The following FDFT1 variants were observed in gnomAD, a reference collection of about 807,000 sequenced individuals.
FDFT1 encodes the protein farnesyl-diphosphate farnesyltransferase 1, also known as squalene synthase.
FDFT1 carries 68 observed loss-of-function variants against 46.8 expected under a neutral mutation model. The observed-to-expected ratio is 1.45, with a 90% CI of 1.19 to 1.78. The LOEUF (loss-of-function observed/expected upper bound fraction) is 1.78. FDFT1 is among the 40% of genes most tolerant of loss of function. The pLI, the probability that FDFT1 is intolerant of heterozygous loss-of-function variation, is 0.00. For missense variants in FDFT1, 928 were observed against 524.4 expected, an observed-to-expected ratio of 1.77 and a Z score of -7.52; for synonymous variants, 351 against 185.1, an observed-to-expected ratio of 1.90 and a Z score of -7.28.
rs187108565 is a variant in FDFT1 at position 11,829,193 on chromosome 8, A to G, written c.703-1051A>G. 1.8e-4 allele frequency among the ~76,000 whole-genome samples: 28 copies of G among 152,310 alleles called. No individual in the cohort carries two copies. In the East Asian group the frequency reaches 4.4e-3, roughly 24 times the overall value. ...TGTATGTATATATACTTAACATTTTATTTATAATAAATGTACATAATAGAG... is the reference window on the plus strand; with the variant it reads ...TGTATGTATATATACTTAACATTTTGTTTATAATAAATGTACATAATAGAG... On this transcript the variant is annotated intron_variant, in intron 5 of 7. Transcript: ENST00000220584.
chr8:11,821,186 T>G (rs1809187322), intron 3 of FDFT1, among the ~76,000 whole-genome samples: 1 of 152,264 alleles, frequency 6.6e-6, no homozygotes. Context: ...AAGCATCTCA[T>G]TATACATTGG....
rs377676847 is a variant in FDFT1, at chr8:11,803,175, C to T, written c.99+244C>T. 6 of 1,416,932 alleles carry T rather than the reference C, an allele frequency of 4.2e-6. No individual in the cohort carries two copies. The African/African-American group carries it at 4.3e-5, about 10-fold the overall frequency. 87.8% of individuals were successfully genotyped at this position (1,416,932 alleles called of 1,614,324 possible). ...GCATGAGCGACTTTTGCGTGGTTCC[C>T]GGTGGTTGCGCTCCCCGTTTCGTCC... On this transcript the variant is annotated intron_variant, in intron 1 of 7. Transcript: ENST00000220584.
At chr8:11,810,657 C>T (rs980522015) in intron 3 of FDFT1, among the ~76,000 whole-genome samples, 11 of 152,100 alleles carry the variant, frequency 7.2e-5, no homozygotes, top group African/African-American at 2.7e-4. Context: ...GGACATCTGC[C>T]TAGGTCCTAC....
chr8:11,798,920 A>G (rs187088951), upstream of FDFT1, among the ~76,000 whole-genome samples: 3 of 152,374 alleles, frequency 2.0e-5, no homozygotes, highest in Non-Finnish European at 4.4e-5. Context: ...AAAGGGTTAC[A>G]GCATGCTTCC....
Position 11,838,333 on chromosome 8 carries a change from C to T in FDFT1, c.1033-55C>T, listed in dbSNP as rs571369651. 1.4e-5 allele frequency: 19 copies of T among 1,362,816 alleles called. No individual in the cohort carries two copies. In the East Asian group the frequency reaches 3.9e-4, roughly 28 times the overall value. The allele number at this position is 1,362,816 out of a possible 1,614,324, so 84.4% of individuals were successfully genotyped here. A position where few individuals can be genotyped will look rare whatever the true frequency, so the allele number is the denominator to read the frequency against. On this transcript the variant is annotated intron_variant, in intron 7 of 7. Transcript: ENST00000220584. Reference sequence around the variant, plus strand: ...GCCAGTGGAGGGTTGTTGTAAGTAGCCATGGAAAATGTAAAGCACATAGCA... The same window carrying T: ...GCCAGTGGAGGGTTGTTGTAAGTAGTCATGGAAAATGTAAAGCACATAGCA...
intron 5 of FDFT1, among the ~76,000 whole-genome samples, chr8:11,828,995 G>A (rs1337909840): frequency 6.6e-6 from 1 of 152,094 alleles, no homozygotes; most frequent in African/African-American, 2.4e-5. Flanking sequence ...GTAGATGTGT[G>A]TTTTCCTTTT....
At chr8:11,820,375 C>G (rs1375252478) in intron 3 of FDFT1, among the ~76,000 whole-genome samples, 1 of 152,226 alleles carries the variant, frequency 6.6e-6, no homozygotes, top group Non-Finnish European at 1.5e-5. Flanking sequence ...CCACTGCTCT[C>G]TTCAGAGCTG....
intron 7 of FDFT1, among the ~76,000 whole-genome samples, chr8:11,836,403 C>T (rs1239139888): frequency 1.3e-5 from 2 of 152,222 alleles, no homozygotes; most frequent in African/African-American, 2.4e-5. Flanking sequence ...GCTTCCTGCC[C>T]TTGGGCTTCT....
rs1335486905 is a variant in FDFT1 at position 11,802,896 on chromosome 8, G to T, written c.64G>T (p.Gly22Trp). The T allele has an allele frequency of 6.2e-7, 1 of 1,611,430 alleles. No homozygotes were observed. The change falls in exon 1 of 8, where the codon GGG becomes TGG. Residue 22 changes from glycine (G) to tryptophan (W), a missense_variant. Coordinates refer to ENST00000220584, the MANE Select transcript of FDFT1 (RefSeq NM_004462.5). ...EFYNLVRFRI[G>W]GKRKVMPKMD... ...CTACAACCTGGTGCGCTTCCGGATC[G>T]GGGGCAAGCGGAAGGTGATGCCCAA... is the stretch of plus-strand genomic sequence containing the variant.
intron 3 of FDFT1, among the ~76,000 whole-genome samples, chr8:11,820,573 T>C (rs1459454490): frequency 5.3e-5 from 8 of 152,182 alleles, no homozygotes; most frequent in Non-Finnish European, 1.0e-4. Flanking sequence ...GCCTCAGCAA[T>C]GGCGGGGAGG....
intron 7 of FDFT1, among the ~76,000 whole-genome samples, chr8:11,832,569 A>AAAAAAAAG (rs1810960442): frequency 6.7e-6 from 1 of 149,298 alleles, no homozygotes; most frequent in Non-Finnish European, 1.5e-5. Context: ...AAAAAAAAAA[A>AAAAAAAAG]AAAAAAAGTC....
chr8:11,820,756 C>T (rs535565359), intron 3 of FDFT1, among the ~76,000 whole-genome samples: 1 of 152,198 alleles, frequency 6.6e-6, no homozygotes, highest in African/African-American at 2.4e-5. Context: ...TATACTGTTC[C>T]TCCAGGTACA....
intron 4 of FDFT1, among the ~76,000 whole-genome samples, chr8:11,825,782 G>A (rs560375612): frequency 1.3e-5 from 2 of 152,032 alleles, no homozygotes; most frequent in Non-Finnish European, 2.9e-5. Context: ...GTAGAAATTT[G>A]GAAAATACAA....
At chr8:11,831,977 C>G (rs953471241) in intron 7 of FDFT1, among the ~76,000 whole-genome samples, 1 of 152,124 alleles carries the variant, frequency 6.6e-6, no homozygotes, top group Non-Finnish European at 1.5e-5. Context: ...CTTCTTGTTG[C>G]TGGTGAGGAA....
chr8:11,820,461 A>G (rs935471795), intron 3 of FDFT1, among the ~76,000 whole-genome samples: 1 of 146,668 alleles, frequency 6.8e-6, no homozygotes, highest in African/African-American at 2.5e-5. Flanking sequence ...CAGAGATGCA[A>G]TCTAGAGAGG....
chr8:11,836,320 G>C (rs1195433756), intron 7 of FDFT1, among the ~76,000 whole-genome samples: 1 of 152,150 alleles, frequency 6.6e-6, no homozygotes, highest in East Asian at 1.9e-4. Context: ...CACTCATCTT[G>C]GCCTTCGGCC....
chr8:11,827,292 T>C (rs115634158), intron 5 of FDFT1, among the ~76,000 whole-genome samples: 6 of 151,700 alleles, frequency 4.0e-5, no homozygotes, highest in African/African-American at 1.5e-4. Flanking sequence ...TATAAAAAAT[T>C]GTTAGAAAAT....
chr8:11,814,181 T>C (rs1808122343), intron 3 of FDFT1, among the ~76,000 whole-genome samples: 1 of 152,202 alleles, frequency 6.6e-6, no homozygotes, highest in Admixed American at 6.5e-5. Context: ...TAACCTCTTG[T>C]AGAATCACTG....
chr8:11,820,237 A>C (rs1185492670), intron 3 of FDFT1, among the ~76,000 whole-genome samples: 1 of 151,864 alleles, frequency 6.6e-6, no homozygotes, highest in Admixed American at 6.6e-5. Flanking sequence ...AAGGACACCC[A>C]CCTATATGAG....
Sources: allele counts gnomAD v4.1 joint callset (sites outside exome capture counted in the v4.1 genomes callset), GRCh38; gene constraint gnomAD v4.1.1; transcripts MANE v1.5; gene names NCBI Gene and HGNC (gene_info 2026-07-23, HGNC 2026-07-21).